COPS2: variants seen among roughly 807,000 people sequenced by gnomAD.
The protein encoded by COPS2 is COP9 signalosome subunit 2.
Under a neutral mutation model 66.1 loss-of-function variants are expected in COPS2, and 10 were observed. That is an observed-to-expected ratio of 0.15 (90% CI 0.09 to 0.26). The LOEUF (loss-of-function observed/expected upper bound fraction) is 0.26, where lower values mean the gene tolerates loss of function less well. Ranked by LOEUF, COPS2 falls within the 10% of genes least tolerant of loss-of-function variation. COPS2 has a pLI of 1.00. For synonymous variants in COPS2, 179 were observed against 171.3 expected, an observed-to-expected ratio of 1.04 and a Z score of -0.35; for missense variants, 215 against 513.3, an observed-to-expected ratio of 0.42 and a Z score of 5.62.
At chr15:49,135,981 G>C (rs1258488777) in intron 6 of COPS2, among the ~76,000 whole-genome samples, 1 of 152,118 alleles carries the variant, frequency 6.6e-6, no homozygotes, top group South Asian at 2.1e-4. Flanking sequence ...CCATTTCATA[G>C]GGAACTGAAC....
intron 1 of COPS2, among the ~76,000 whole-genome samples, chr15:49,151,531 T>C (rs147983505): frequency 6.6e-6 from 1 of 152,282 alleles, no homozygotes; most frequent in Non-Finnish European, 1.5e-5. Context: ...AGTTTCACGG[T>C]AGAACGATTG....
intron 4 of COPS2, 56 bp downstream of exon 4, chr15:49,139,472 C>T: frequency 6.3e-6 from 9 of 1,425,208 alleles, no homozygotes; most frequent in Non-Finnish European, 8.8e-6. Flanking sequence ...GAACAAAGCC[C>T]TTACTATAAA....
chr15:49,127,365 G>C lies in COPS2; in HGVS notation c.*585C>G, dbSNP rs1175696178. The C allele has an allele frequency of 6.6e-6, 1 of 152,590 alleles. No individual in the cohort carries two copies. Among genetic ancestry groups the C allele is most frequent in the Non-Finnish European group, 1.5e-5 (1 of 68,030 alleles). 9.5% of individuals were successfully genotyped at this position (152,590 alleles called of 1,614,324 possible). ...CAAACTACAATTTCTGAGCTGCACTGTTTATTTTGCTGCTTGAAACCTAAG... is the reference window on the plus strand; with the variant it reads ...CAAACTACAATTTCTGAGCTGCACTCTTTATTTTGCTGCTTGAAACCTAAG... On this transcript the variant is annotated 3_prime_UTR_variant, in exon 13 of 13. Transcript: ENST00000388901.
At position 49,124,198 on chromosome 15, in the gene COPS2, C is replaced by G. The variant is rs1466565921; in HGVS notation, c.*3752G>C. On this transcript the variant is annotated 3_prime_UTR_variant, in exon 13 of 13. Coordinates refer to ENST00000388901, the MANE Select transcript of COPS2 (RefSeq NM_004236.4). Reference sequence around the variant, plus strand: ...ACCAGCCTGGCCAACATGGTGAAATCTTGTCTCTACTAAAAACACAAAAAT... The same window carrying G: ...ACCAGCCTGGCCAACATGGTGAAATGTTGTCTCTACTAAAAACACAAAAAT... 1 of 151,948 alleles carries G rather than the reference C, an allele frequency of 6.6e-6. No homozygotes were observed. Among genetic ancestry groups the G allele is most frequent in the Non-Finnish European group, 1.5e-5 (1 of 68,016 alleles). The allele number at this position is 151,948 out of a possible 1,614,324, so 9.4% of individuals were successfully genotyped here. A position where few individuals can be genotyped will look rare whatever the true frequency, so the allele number is the denominator to read the frequency against.
rs990001822 is a variant in COPS2, at chr15:49,124,871, G to C, written c.*3079C>G. The C allele has an allele frequency of 6.6e-6, 1 of 151,950 alleles. No homozygotes were observed. Among genetic ancestry groups the C allele is most frequent in the African/African-American group, 2.4e-5 (1 of 41,268 alleles). 9.4% of individuals were successfully genotyped at this position (151,950 alleles called of 1,614,324 possible). A position where few individuals can be genotyped will look rare whatever the true frequency, so the allele number is the denominator to read the frequency against. On this transcript the variant is annotated 3_prime_UTR_variant, in exon 13 of 13. Coordinates refer to ENST00000388901, the MANE Select transcript of COPS2 (RefSeq NM_004236.4). ...CAGATCTCTGAGCTTCTTAAAAAGA[G>C]GTAAAGGGAATCCACTAGGCAAATA...
intron 3 of COPS2, among the ~76,000 whole-genome samples, chr15:49,143,816 C>T (rs1170161723): frequency 6.6e-6 from 1 of 152,068 alleles, no homozygotes; most frequent in Non-Finnish European, 1.5e-5. Context: ...GAAAGCCCGT[C>T]TCTTCTAAAA....
chr15:49,139,345 C>A, intron 4 of COPS2, 183 bp downstream of exon 4: 1 of 504,244 alleles, frequency 2.0e-6, no homozygotes, highest in African/African-American at 2.0e-5. Context: ...GAGTTATTAC[C>A]TTTTACTATT....
intron 1 of COPS2, among the ~76,000 whole-genome samples, chr15:49,154,297 T>A (rs374400949): frequency 1.1e-4 from 16 of 152,326 alleles, no homozygotes; most frequent in African/African-American, 3.8e-4. Context: ...TACAACTGGC[T>A]TGCACAAACT....
intron 11 of COPS2, 136 bp from the exon 12 acceptor site, chr15:49,128,896 A>G (rs1255011328): frequency 1.5e-5 from 9 of 584,686 alleles, no homozygotes; most frequent in Admixed American, 9.4e-5. Context: ...ATATTTCATT[A>G]TCACTTCAAA....
At chr15:49,133,150 G>A (rs980239964) in intron 9 of COPS2, among the ~76,000 whole-genome samples, 79 of 151,894 alleles carry the variant, frequency 5.2e-4, no homozygotes, top group African/African-American at 1.7e-3. Context: ...CACCACGCCC[G>A]GCTAATTTTT....
In COPS2 at chr15:49,152,040, T is replaced by C. The variant is rs560544954; in HGVS notation, c.54+3485A>G. ...TGCTGAGTATCACTGTGGTCAGCAA[T>C]ACTCACTGCTCTTAGTTAACACTTT... is the stretch of plus-strand genomic sequence containing the variant. On this transcript the variant is annotated intron_variant, in intron 1 of 12. Transcript: ENST00000388901. 3.9e-5 allele frequency among the ~76,000 whole-genome samples: 6 copies of C among 152,060 alleles called. 1 individual carries two copies. The South Asian group carries it at 1.0e-3, about 26-fold the overall frequency.
chr15:49,141,500 T>A (rs1389170232), intron 3 of COPS2, among the ~76,000 whole-genome samples: 1 of 151,756 alleles, frequency 6.6e-6, no homozygotes, highest in Non-Finnish European at 1.5e-5. Flanking sequence ...CAAGACTTCA[T>A]CTCAAAAGAA....
Position 49,134,333 on chromosome 15 carries a change from A to G in COPS2, c.715+7T>C. 2 of 1,611,746 alleles carry G rather than the reference A, an allele frequency of 1.2e-6. No homozygotes were observed. The highest frequency in any genetic ancestry group is 1.7e-6 in the Non-Finnish European group (2 of 1,179,152). On this transcript the variant is annotated splice_region_variant and intron_variant, in intron 7 of 12. Coordinates refer to ENST00000388901, the MANE Select transcript of COPS2 (RefSeq NM_004236.4). ...GCCACTGCCCACCCTCTCCAAACCA[A>G]ACTTGCCTCTGATAACTCCCATAAT...
At chr15:49,137,308 C>A (rs1302049676) in intron 5 of COPS2, 40 bp downstream of exon 5, 1 of 1,527,254 alleles carries the variant, frequency 6.5e-7, no homozygotes. Context: ...AAACACCCAC[C>A]CACTTTTCAA....
At chr15:49,148,431 G>T (rs1016933017) in intron 1 of COPS2, among the ~76,000 whole-genome samples, 1 of 152,164 alleles carries the variant, frequency 6.6e-6, no homozygotes, top group African/African-American at 2.4e-5. Context: ...GTATGAATAG[G>T]AATCGCCAGC....
In COPS2 at chr15:49,129,516, A is replaced by G; in HGVS notation, c.1089T>C (p.Ile363=). The change falls in exon 11 of 13, where the codon ATT becomes ATC. Residue 363 remains isoleucine (I), a synonymous_variant. Coordinates refer to ENST00000388901, the MANE Select transcript of COPS2 (RefSeq NM_004236.4). ...NIRTQVLIKL[I]KPYTRIHIPF... ...GAATATGTATTCTTGTGTAAGGCTTAATTAATTTTATAAGCACTTGTGTTC... is the reference window on the plus strand; with the variant it reads ...GAATATGTATTCTTGTGTAAGGCTTGATTAATTTTATAAGCACTTGTGTTC... 3.3e-6 allele frequency: 5 copies of G among 1,508,964 alleles called. No homozygotes were observed. The highest frequency in any genetic ancestry group is 4.5e-6 in the Non-Finnish European group (5 of 1,122,624). The allele number at this position is 1,508,964 out of a possible 1,614,324, so 93.5% of individuals were successfully genotyped here.
chr15:49,140,148 G>A (rs558839407), intron 3 of COPS2, among the ~76,000 whole-genome samples: 1 of 151,922 alleles, frequency 6.6e-6, no homozygotes, highest in East Asian at 1.9e-4. Context: ...CACCACACCG[G>A]GCTAATTTTG....
At chr15:49,131,244 G>A (rs567193471) in intron 9 of COPS2, among the ~76,000 whole-genome samples, 60 of 152,078 alleles carry the variant, frequency 3.9e-4, no homozygotes, top group African/African-American at 1.2e-3. Flanking sequence ...GTGTAGCCTC[G>A]TCTTTCAAAT....
chr15:49,150,247 C>CA lies in COPS2; in HGVS notation c.55-5170dup, dbSNP rs11347765. Among the ~76,000 whole-genome samples, 435 of 126,906 alleles carry CA rather than the reference C, an allele frequency of 3.4e-3. 4 individuals are homozygous for CA. The highest frequency in any genetic ancestry group is 0.021 in the Admixed American group (254 of 12,350). The allele number at this position is 126,906 out of a possible 152,430, so 83.3% of individuals were successfully genotyped here. On this transcript the variant is annotated intron_variant, in intron 1 of 12. Coordinates refer to ENST00000388901, the MANE Select transcript of COPS2 (RefSeq NM_004236.4). ...TGGGCAACAGAGTAAGACTCTATCT[C>CA]AAAAAAAAAAAAAAATAAATAAAAA...
Sources: allele counts gnomAD v4.1 joint callset (sites outside exome capture counted in the v4.1 genomes callset), GRCh38; gene constraint gnomAD v4.1.1; transcripts MANE v1.5; gene names NCBI Gene and HGNC (gene_info 2026-07-23, HGNC 2026-07-21).